Variants in CREB5 observed in about 807,000 individuals in gnomAD.
CREB5 encodes cyclic AMP-responsive element-binding protein 5.
Under a neutral mutation model 57.1 loss-of-function variants are expected in CREB5, and 19 were observed. That is an observed-to-expected ratio of 0.33 (90% CI 0.23 to 0.49). CREB5 has a LOEUF of 0.49. Among genes scored for constraint, CREB5 ranks in the 20% least tolerant of loss-of-function variants. The pLI is 0.99. For missense variants in CREB5, 579 were observed against 671.6 expected, an observed-to-expected ratio of 0.86 and a Z score of 1.52; for synonymous variants, 238 against 238.3, an observed-to-expected ratio of 1.00 and a Z score of 0.01.
intron 1 of CREB5, among the ~76,000 whole-genome samples, chr7:28,324,581 T>C (rs1444710459): frequency 6.6e-6 from 1 of 152,316 alleles, no homozygotes; most frequent in East Asian, 1.9e-4. Context: ...CTGTAAATGC[T>C]GGAGGCTTTT....
At chr7:28,407,326 C>T (rs1787604650) in intron 1 of CREB5, among the ~76,000 whole-genome samples, 2 of 152,216 alleles carry the variant, frequency 1.3e-5, no homozygotes, top group Admixed American at 6.5e-5. Flanking sequence ...GCTGGGATTA[C>T]AGGTGTGAAC....
intron 1 of CREB5, among the ~76,000 whole-genome samples, chr7:28,333,121 G>C (rs1018242075): frequency 1.6e-4 from 25 of 152,200 alleles, no homozygotes; most frequent in African/African-American, 5.3e-4. Flanking sequence ...AAGTGGGAAT[G>C]CTCCTAACTT....
intron 1 of CREB5, among the ~76,000 whole-genome samples, chr7:28,470,534 C>T (rs1583502324): frequency 6.6e-6 from 1 of 152,174 alleles, no homozygotes; most frequent in Non-Finnish European, 1.5e-5. Context: ...CTACAACAAA[C>T]ACAAGAATGT....
intron 5 of CREB5, among the ~76,000 whole-genome samples, chr7:28,694,644 A>G (rs529499957): frequency 6.6e-6 from 1 of 152,318 alleles, no homozygotes; most frequent in Admixed American, 6.5e-5. Flanking sequence ...CTTGGGGTCA[A>G]ATGGTCTTCC....
intron 5 of CREB5, among the ~76,000 whole-genome samples, chr7:28,622,426 T>C (rs1169274208): frequency 1.3e-5 from 2 of 151,980 alleles, no homozygotes; most frequent in African/African-American, 4.8e-5. Flanking sequence ...TACAAGACTA[T>C]GAAGACATGC....
chr7:28,309,961 T>TG (rs34424899), intron 1 of CREB5, among the ~76,000 whole-genome samples: 27,558 of 151,748 alleles, frequency 0.18, 2,702 homozygotes, highest in South Asian at 0.25. Flanking sequence ...AAGGGCTAAG[T>TG]GGGGGGTCCA....
At chr7:28,329,803 C>G (rs1352862925) in intron 1 of CREB5, among the ~76,000 whole-genome samples, 1 of 152,240 alleles carries the variant, frequency 6.6e-6, no homozygotes, top group East Asian at 1.9e-4. Flanking sequence ...CATGAATTCT[C>G]TGTTGTTAAT....
chr7:28,460,856 G>A (rs995150547), intron 1 of CREB5, among the ~76,000 whole-genome samples: 1 of 152,032 alleles, frequency 6.6e-6, no homozygotes, highest in African/African-American at 2.4e-5. Flanking sequence ...AGTTGGAAAA[G>A]GAGAAGAAAG....
chr7:28,737,539 G>GTA (rs59294932), intron 7 of CREB5, among the ~76,000 whole-genome samples: 270 of 26,610 alleles, frequency 0.01, no homozygotes, highest in South Asian at 0.013. Context: ...ATATATATAC[G>GTA]TATATATATA....
chr7:28,750,602 A>ACT (rs1554295405), intron 7 of CREB5, among the ~76,000 whole-genome samples: 1 of 151,648 alleles, frequency 6.6e-6, no homozygotes, highest in Non-Finnish European at 1.5e-5. Context: ...GAAATATATC[A>ACT]CTTTTTTTAT....
chr7:28,401,984 C>A (rs967600223), intron 1 of CREB5, among the ~76,000 whole-genome samples: 6 of 152,156 alleles, frequency 3.9e-5, no homozygotes, highest in Non-Finnish European at 8.8e-5. Context: ...GAGGAATCAC[C>A]ACACTGTCTT....
rs551963045 is a variant in CREB5, at chr7:28,568,626, C to T, written c.292-1739C>T. ...TGTTTTCCCACATCAGAAAAATTTT[C>T]CAGTGTATAAGAGAAGCCTTTGGAC... On this transcript the variant is annotated intron_variant, in intron 4 of 10. Transcript: ENST00000357727. Among the ~76,000 whole-genome samples the T allele has an allele frequency of 1.1e-4, 16 of 152,294 alleles. No homozygotes were observed. The South Asian group carries it at 3.3e-3, about 32-fold the overall frequency.
chr7:28,523,049 G>A (rs905030936), intron 4 of CREB5, among the ~76,000 whole-genome samples: 1 of 152,176 alleles, frequency 6.6e-6, no homozygotes, highest in Non-Finnish European at 1.5e-5. Context: ...CATTTGGTGA[G>A]TGAAGAGGTA....
At chr7:28,599,839 A>G (rs1040735844) in intron 5 of CREB5, among the ~76,000 whole-genome samples, 3 of 152,122 alleles carry the variant, frequency 2.0e-5, no homozygotes, top group Non-Finnish European at 4.4e-5. Context: ...GACAGGCAGG[A>G]TATGAGAATT....
chr7:28,766,637 G>A (rs1167472115), intron 7 of CREB5, among the ~76,000 whole-genome samples: 1 of 152,214 alleles, frequency 6.6e-6, no homozygotes, highest in Non-Finnish European at 1.5e-5. Flanking sequence ...GCACCCACGG[G>A]CTGGAATGTC....
chr7:28,614,674 C>T (rs73684208), intron 5 of CREB5, among the ~76,000 whole-genome samples: 10 of 152,104 alleles, frequency 6.6e-5, no homozygotes, highest in Non-Finnish European at 1.5e-4. Flanking sequence ...AGAAAAACAG[C>T]CTTTTGTTAT....
At chr7:28,318,975 A>G (rs1785436319) in intron 1 of CREB5, among the ~76,000 whole-genome samples, 1 of 152,230 alleles carries the variant, frequency 6.6e-6, no homozygotes, top group Admixed American at 6.5e-5. Context: ...TATCTGTGGC[A>G]CTTCAAGCAA....
Position 28,538,675 on chromosome 7 carries a change from T to TG in CREB5, c.291+30940dup, listed in dbSNP as rs747658723. Among the ~76,000 whole-genome samples the TG allele has an allele frequency of 6.6e-5, 10 of 152,344 alleles. No homozygotes were observed. In the South Asian group the frequency reaches 1.9e-3, roughly 28 times the overall value. On this transcript the variant is annotated intron_variant, in intron 4 of 10. Coordinates refer to ENST00000357727, the MANE Select transcript of CREB5 (RefSeq NM_182898.4). Reference sequence around the variant, plus strand: ...CCCTTCTTTTTGTAACTTCTTAAGATGGATACTTCGATCATTGATTTTCAG... The same window carrying TG: ...CCCTTCTTTTTGTAACTTCTTAAGATGGGATACTTCGATCATTGATTTTCAG...
At chr7:28,702,172 C>A (rs1285045282) in intron 5 of CREB5, among the ~76,000 whole-genome samples, 2 of 152,094 alleles carry the variant, frequency 1.3e-5, no homozygotes, top group East Asian at 1.9e-4. Context: ...GCTCTTTCAG[C>A]CTTATTTTAA....
Sources: gnomAD v4.1 joint callset for allele counts (sites outside exome capture counted in the v4.1 genomes callset) on GRCh38, gnomAD v4.1.1 for gene constraint, MANE v1.5 for transcripts, NCBI Gene and HGNC (gene_info 2026-07-23, HGNC 2026-07-21) for gene names.